ZDHHC14: variants seen among roughly 807,000 people sequenced by gnomAD.
The protein encoded by ZDHHC14 is zDHHC palmitoyltransferase 14, also known as palmitoyltransferase ZDHHC14.
Under a neutral mutation model 47.7 loss-of-function variants are expected in ZDHHC14, and 16 were observed. That is an observed-to-expected ratio of 0.34 (90% CI 0.23 to 0.51). ZDHHC14 has a LOEUF of 0.51. Ranked by LOEUF, ZDHHC14 falls within the 20% of genes least tolerant of loss-of-function variation. The probability of loss-of-function intolerance (pLI) is 0.97; values close to 1 mark genes in which losing one functional copy is unlikely to be tolerated. For missense variants in ZDHHC14, 515 were observed against 662.5 expected, an observed-to-expected ratio of 0.78 and a Z score of 2.44; for synonymous variants, 293 against 278.9, an observed-to-expected ratio of 1.05 and a Z score of -0.50.
chr6:157,417,688 A>C (rs1778010214), intron 1 of ZDHHC14, among the ~76,000 whole-genome samples: 1 of 152,206 alleles, frequency 6.6e-6, no homozygotes. Context: ...TATCTCCGTA[A>C]AGGCGAAGAA....
intron 2 of ZDHHC14, among the ~76,000 whole-genome samples, chr6:157,568,676 C>T (rs772050791): frequency 3.3e-5 from 5 of 152,128 alleles, no homozygotes; most frequent in Admixed American, 1.3e-4. Context: ...AAGATACATA[C>T]GTTTTTAATG....
intron 4 of ZDHHC14, among the ~76,000 whole-genome samples, chr6:157,628,954 C>T (rs1182096618): frequency 1.3e-5 from 2 of 152,182 alleles, no homozygotes; most frequent in Non-Finnish European, 2.9e-5. Flanking sequence ...GTCACCCTCC[C>T]TAGAAAAGAT....
intron 2 of ZDHHC14, among the ~76,000 whole-genome samples, chr6:157,544,675 C>CAACCA (rs1781904518): frequency 2.0e-5 from 3 of 151,516 alleles, no homozygotes; most frequent in Non-Finnish European, 4.4e-5. Flanking sequence ...CAACAACAAC[C>CAACCA]AAAAAATAGA....
intron 2 of ZDHHC14, among the ~76,000 whole-genome samples, chr6:157,545,791 A>C (rs914437393): frequency 3.9e-5 from 6 of 152,124 alleles, no homozygotes; most frequent in African/African-American, 1.2e-4. Flanking sequence ...CATGGGTTTG[A>C]ATCCTGGCTC....
At chr6:157,628,663 T>A in intron 4 of ZDHHC14, 177 bp downstream of exon 4, 1 of 762,866 alleles carries the variant, frequency 1.3e-6, no homozygotes, top group Non-Finnish European at 2.1e-6. Context: ...CCTCCATCCC[T>A]CCTCCGTCCC....
intron 1 of ZDHHC14, among the ~76,000 whole-genome samples, chr6:157,498,791 T>C (rs1780128666): frequency 6.6e-6 from 1 of 152,212 alleles, no homozygotes; most frequent in Non-Finnish European, 1.5e-5. Flanking sequence ...GGTGGTAGTA[T>C]ATCCAGAGAA....
intron 3 of ZDHHC14, among the ~76,000 whole-genome samples, chr6:157,610,327 G>C (rs182131234): frequency 2.0e-5 from 3 of 152,312 alleles, no homozygotes; most frequent in Non-Finnish European, 4.4e-5. Context: ...AGCTACTCGG[G>C]AGGCTGAGGC....
intron 8 of ZDHHC14, among the ~76,000 whole-genome samples, chr6:157,663,141 T>C (rs1273373273): frequency 2.0e-5 from 3 of 152,244 alleles, no homozygotes; most frequent in African/African-American, 7.2e-5. Flanking sequence ...CTGCCTTTGC[T>C]GTGAGAAACC....
chr6:157,498,401 G>C (rs1780116270), intron 1 of ZDHHC14, among the ~76,000 whole-genome samples: 1 of 152,058 alleles, frequency 6.6e-6, no homozygotes, highest in Non-Finnish European at 1.5e-5. Flanking sequence ...AGAATGAATA[G>C]GATGAGCAGA....
intron 1 of ZDHHC14, among the ~76,000 whole-genome samples, chr6:157,459,029 A>G (rs1211894415): frequency 6.6e-6 from 1 of 151,534 alleles, no homozygotes; most frequent in African/African-American, 2.4e-5. Context: ...TTGTATTTTT[A>G]TTTTTAGTAG....
intron 1 of ZDHHC14, among the ~76,000 whole-genome samples, chr6:157,389,943 G>T (rs1024715419): frequency 3.9e-5 from 6 of 151,938 alleles, no homozygotes; most frequent in African/African-American, 1.4e-4. Flanking sequence ...ATATATGTAT[G>T]TACATATATT....
At chr6:157,573,207 G>A (rs1783167203) in intron 2 of ZDHHC14, among the ~76,000 whole-genome samples, 1 of 152,076 alleles carries the variant, frequency 6.6e-6, no homozygotes, top group African/African-American at 2.4e-5. Flanking sequence ...ACACCCTCTT[G>A]CCAGCTGTTG....
At chr6:157,628,622 T>G in intron 4 of ZDHHC14, 136 bp downstream of exon 4, 1 of 1,190,056 alleles carries the variant, frequency 8.4e-7, no homozygotes, top group Non-Finnish European at 1.2e-6. Flanking sequence ...CCTCCTCACT[T>G]CCAGCCTGCC....
chr6:157,553,495 G>A (rs1281432159), intron 2 of ZDHHC14, among the ~76,000 whole-genome samples: 2 of 152,030 alleles, frequency 1.3e-5, no homozygotes, highest in Non-Finnish European at 2.9e-5. Flanking sequence ...CCTCTTTGGG[G>A]TCCACATGCA....
intron 1 of ZDHHC14, among the ~76,000 whole-genome samples, chr6:157,445,726 G>A (rs552072336): frequency 1.8e-4 from 27 of 151,866 alleles, no homozygotes; most frequent in Admixed American, 5.2e-4. Context: ...ATATTTAGAC[G>A]CAGAAAAAAA....
Position 157,666,943 on chromosome 6 carries a change from T to G in ZDHHC14, c.1069-5781T>G, listed in dbSNP as rs139110799. 2.5e-3 allele frequency among the ~76,000 whole-genome samples: 384 copies of G among 152,336 alleles called. 2 individuals are homozygous for G. The Middle Eastern group carries it at 0.031, about 12-fold the overall frequency. ...CAGTAAATCAGCTGTCACAGTGACTTACTGCAATGACAGCAAAAGCTCCAG... is the reference window on the plus strand; with the variant it reads ...CAGTAAATCAGCTGTCACAGTGACTGACTGCAATGACAGCAAAAGCTCCAG... On this transcript the variant is annotated intron_variant, in intron 8 of 8. Coordinates refer to ENST00000359775, the MANE Select transcript of ZDHHC14 (RefSeq NM_024630.3).
chr6:157,654,107 A>G (rs1167230534), intron 8 of ZDHHC14, among the ~76,000 whole-genome samples: 1 of 152,154 alleles, frequency 6.6e-6, no homozygotes, highest in Admixed American at 6.5e-5. Flanking sequence ...AATAGCGCAA[A>G]TGATCAGACC....
At chr6:157,578,517 T>C (rs1236699917) in intron 2 of ZDHHC14, among the ~76,000 whole-genome samples, 2 of 152,242 alleles carry the variant, frequency 1.3e-5, no homozygotes, top group Non-Finnish European at 2.9e-5. Flanking sequence ...CCATTATTTC[T>C]GGGATCTCTA....
In ZDHHC14 at chr6:157,674,015, A is replaced by C. The variant is rs1778924267; in HGVS notation, c.*893A>C. The C allele has an allele frequency of 6.6e-6, 1 of 152,654 alleles. No individual in the cohort carries two copies. The allele number at this position is 152,654 out of a possible 1,614,324, so 9.5% of individuals were successfully genotyped here. A position where few individuals can be genotyped will look rare whatever the true frequency, so the allele number is the denominator to read the frequency against. On this transcript the variant is annotated 3_prime_UTR_variant, in exon 9 of 9. Coordinates refer to ENST00000359775, the MANE Select transcript of ZDHHC14 (RefSeq NM_024630.3). Reference sequence around the variant, plus strand: ...TCCAGATGGGGAGAGTTTTTCTTGAAATGTCCCTAGCGAGGAATGGTCCCC... The same window carrying C: ...TCCAGATGGGGAGAGTTTTTCTTGACATGTCCCTAGCGAGGAATGGTCCCC...
Sources: gnomAD v4.1 joint callset for allele counts (sites outside exome capture counted in the v4.1 genomes callset) on GRCh38, gnomAD v4.1.1 for gene constraint, MANE v1.5 for transcripts, NCBI Gene and HGNC (gene_info 2026-07-23, HGNC 2026-07-21) for gene names.